Variants in SLCO2A1 observed in about 807,000 individuals in gnomAD.
The protein encoded by SLCO2A1 is solute carrier organic anion transporter family member 2A1, also known as matrin F/G 1.
SLCO2A1 carries 60 observed loss-of-function variants against 71.7 expected under a neutral mutation model. The observed-to-expected ratio is 0.84, with a 90% CI of 0.68 to 1.04. The LOEUF is 1.04. SLCO2A1 is among the 50% of genes least tolerant of loss of function. The probability of loss-of-function intolerance (pLI) is 0.00; values close to 1 mark genes in which losing one functional copy is unlikely to be tolerated. For synonymous variants in SLCO2A1, 308 were observed against 326.7 expected (o/e 0.94, Z 0.62); for missense variants, 745 against 813.4 (o/e 0.92, Z 1.02).
intron 1 of SLCO2A1, among the ~76,000 whole-genome samples, chr3:133,995,098 G>A (rs1168049702): frequency 6.6e-6 from 1 of 152,080 alleles, no homozygotes; most frequent in Non-Finnish European, 1.5e-5. Flanking sequence ...GTACCCAGAT[G>A]AAGAAAGAGA....
At chr3:133,968,395 G>T (rs1934239726) in intron 3 of SLCO2A1, among the ~76,000 whole-genome samples, 1 of 152,110 alleles carries the variant, frequency 6.6e-6, no homozygotes, top group African/African-American at 2.4e-5. Flanking sequence ...ACTGTGGAAA[G>T]GCTGAGCTCC....
At chr3:134,005,129 C>G (rs76621247) in intron 1 of SLCO2A1, among the ~76,000 whole-genome samples, 3 of 152,216 alleles carry the variant, frequency 2.0e-5, no homozygotes, top group African/African-American at 4.8e-5. Flanking sequence ...CCAAATCCTT[C>G]ACACATTTCC....
intron 1 of SLCO2A1, among the ~76,000 whole-genome samples, chr3:134,017,051 G>C (rs1255378547): frequency 6.6e-6 from 1 of 152,200 alleles, no homozygotes; most frequent in Non-Finnish European, 1.5e-5. Flanking sequence ...GGAAGCAAGG[G>C]GACGTGACTA....
intron 11 of SLCO2A1, among the ~76,000 whole-genome samples, chr3:133,941,380 A>T (rs1933414603): frequency 6.6e-6 from 1 of 152,170 alleles, no homozygotes; most frequent in African/African-American, 2.4e-5. Context: ...TTTGAGTTCG[A>T]TATCATCATC....
intron 1 of SLCO2A1, among the ~76,000 whole-genome samples, chr3:134,028,686 CTG>C (rs1432073656): frequency 6.6e-6 from 1 of 152,190 alleles, no homozygotes; most frequent in South Asian, 2.1e-4. Flanking sequence ...TCCCATCTGA[CTG>C]TATGTTTGTG....
intron 1 of SLCO2A1, among the ~76,000 whole-genome samples, chr3:133,991,320 G>T (rs998544096): frequency 1.3e-5 from 2 of 152,150 alleles, no homozygotes; most frequent in African/African-American, 4.8e-5. Context: ...TCCATCAGCC[G>T]TTGGCCTGCT....
chr3:133,981,970 G>A (rs1234096637), intron 1 of SLCO2A1, among the ~76,000 whole-genome samples: 8 of 60,570 alleles, frequency 1.3e-4, no homozygotes, highest in Admixed American at 8.5e-4. Flanking sequence ...GCGAGACTCC[G>A]TCTCAAAAAA....
chr3:133,982,176 C>A (rs1272477682), intron 1 of SLCO2A1, among the ~76,000 whole-genome samples: 1 of 152,120 alleles, frequency 6.6e-6, no homozygotes, highest in Non-Finnish European at 1.5e-5. Flanking sequence ...GGAAACAGGA[C>A]ACCAAAGCTC....
At chr3:134,006,392 C>T (rs6768875) in intron 1 of SLCO2A1, among the ~76,000 whole-genome samples, 117,699 of 152,100 alleles carry the variant, frequency 0.77, 46,001 homozygotes, top group Non-Finnish European at 0.83. Context: ...TCACGTGTTG[C>T]GCGACCATCA....
At chr3:133,995,092 C>A (rs1434759699) in intron 1 of SLCO2A1, among the ~76,000 whole-genome samples, 1 of 152,000 alleles carries the variant, frequency 6.6e-6, no homozygotes, top group East Asian at 1.9e-4. Context: ...GGACTGGTAC[C>A]CAGATGAAGA....
At chr3:134,018,530 T>G (rs1935508979) in intron 1 of SLCO2A1, among the ~76,000 whole-genome samples, 1 of 152,168 alleles carries the variant, frequency 6.6e-6, no homozygotes, top group Non-Finnish European at 1.5e-5. Flanking sequence ...CTTTCCCTTC[T>G]TCCCACTATT....
rs1934380214 is a variant in SLCO2A1 at position 133,973,645 on chromosome 3, G to A, written c.397+18C>T. On this transcript the variant is annotated intron_variant, in intron 3 of 13. Transcript: ENST00000310926. ...ACCCATTCCTTACCCCTTGAGGCAG[G>A]GGTTGGAAGCCACTCACCAGTGCTG... is the stretch of plus-strand genomic sequence containing the variant. The A allele has an allele frequency of 6.2e-7, 1 of 1,612,802 alleles. No individual in the cohort carries two copies. Among genetic ancestry groups the A allele is most frequent in the African/African-American group, 1.3e-5 (1 of 75,016 alleles).
chr3:133,962,371 C>A (rs978285033), intron 3 of SLCO2A1, among the ~76,000 whole-genome samples: 1 of 152,092 alleles, frequency 6.6e-6, no homozygotes, highest in Non-Finnish European at 1.5e-5. Flanking sequence ...TGAGCCACTG[C>A]GCTCAGCCAA....
chr3:133,956,646 T>C (rs911737397), intron 3 of SLCO2A1, among the ~76,000 whole-genome samples: 1 of 152,234 alleles, frequency 6.6e-6, no homozygotes, highest in African/African-American at 2.4e-5. Context: ...TATCCTGCCT[T>C]TCAATGCAGA....
intron 10 of SLCO2A1, among the ~76,000 whole-genome samples, chr3:133,943,328 G>A (rs1464928411): frequency 6.6e-6 from 1 of 152,180 alleles, no homozygotes; most frequent in Non-Finnish European, 1.5e-5. Flanking sequence ...GCTCAATACT[G>A]TTGTCCAACT....
chr3:134,013,856 G>GT (rs1166944205), intron 1 of SLCO2A1, among the ~76,000 whole-genome samples: 1 of 152,126 alleles, frequency 6.6e-6, no homozygotes, highest in South Asian at 2.1e-4. Context: ...TCAAAGAAAT[G>GT]TAATACTCAG....
intron 10 of SLCO2A1, among the ~76,000 whole-genome samples, chr3:133,944,793 A>G (rs1933520584): frequency 6.6e-6 from 1 of 152,230 alleles, no homozygotes; most frequent in African/African-American, 2.4e-5. Context: ...TGGGGCTCAA[A>G]GGCCTCAGCT....
intron 1 of SLCO2A1, among the ~76,000 whole-genome samples, chr3:134,005,461 G>A (rs762959235): frequency 6.7e-6 from 1 of 148,972 alleles, no homozygotes. Flanking sequence ...ATAATGAGTA[G>A]TCCATTTTCA....
chr3:134,022,844 A>G (rs2108080260), intron 1 of SLCO2A1, among the ~76,000 whole-genome samples: 1 of 152,350 alleles, frequency 6.6e-6, no homozygotes, highest in African/African-American at 2.4e-5. Context: ...ATTTCTCAGT[A>G]AAAAGGCACT....
Sources: gnomAD v4.1 joint callset for allele counts (sites outside exome capture counted in the v4.1 genomes callset) on GRCh38, gnomAD v4.1.1 for gene constraint, MANE v1.5 for transcripts, NCBI Gene and HGNC (gene_info 2026-07-23, HGNC 2026-07-21) for gene names.